SLC9A1: variants seen among roughly 807,000 people sequenced by gnomAD.
SLC9A1 encodes sodium/hydrogen exchanger 1.
In SLC9A1, 22 loss-of-function variants were observed where a neutral mutation model predicts 67.9. That is an observed-to-expected ratio of 0.32 (90% CI 0.23 to 0.46). The LOEUF is 0.46. Ranked by LOEUF, SLC9A1 falls within the 20% of genes least tolerant of loss-of-function variation. SLC9A1 has a pLI of 1.00. For synonymous variants in SLC9A1, 421 were observed against 471.8 expected, an observed-to-expected ratio of 0.89 and a Z score of 1.40; for missense variants, 686 against 1,094.8, an observed-to-expected ratio of 0.63 and a Z score of 5.27.
chr1:27,120,402 A>C (rs1162091436), intron 1 of SLC9A1, among the ~76,000 whole-genome samples: 2 of 151,824 alleles, frequency 1.3e-5, no homozygotes, highest in African/African-American at 4.8e-5. Context: ...CTGAGATTAC[A>C]GGCGTGAGCC....
chr1:27,103,482 G>C, intron 5 of SLC9A1, 170 bp from the exon 6 acceptor site: 1 of 623,922 alleles, frequency 1.6e-6, no homozygotes, highest in Non-Finnish European at 2.9e-6. Context: ...CTTATCTAAA[G>C]ACAGGTCCTT....
At chr1:27,147,476 G>C (rs2083495860) in intron 1 of SLC9A1, among the ~76,000 whole-genome samples, 1 of 151,000 alleles carries the variant, frequency 6.6e-6, no homozygotes, top group Non-Finnish European at 1.5e-5. Context: ...GGGCGACAGA[G>C]TGAGACTCCA....
intron 1 of SLC9A1, among the ~76,000 whole-genome samples, chr1:27,151,817 T>A (rs2083530571): frequency 6.6e-6 from 1 of 152,150 alleles, no homozygotes; most frequent in African/African-American, 2.4e-5. Flanking sequence ...TTAGACCACC[T>A]TTCTCTCCAC....
At chr1:27,136,590 C>T (rs576756022) in intron 1 of SLC9A1, among the ~76,000 whole-genome samples, 62 of 152,156 alleles carry the variant, frequency 4.1e-4, no homozygotes, top group Non-Finnish European at 8.4e-4. Flanking sequence ...TCTAAATTCC[C>T]AGCCCTGCCC....
intron 1 of SLC9A1, among the ~76,000 whole-genome samples, chr1:27,142,165 T>C (rs1194032221): frequency 6.6e-6 from 1 of 152,150 alleles, no homozygotes; most frequent in African/African-American, 2.4e-5. Context: ...ATGCTACCAA[T>C]ATCCAAGCCA....
chr1:27,112,865 C>T (rs1477657755), intron 2 of SLC9A1, among the ~76,000 whole-genome samples: 4 of 113,720 alleles, frequency 3.5e-5, no homozygotes, highest in Non-Finnish European at 6.6e-5. Flanking sequence ...GTCTGGGAGA[C>T]AGAGCAAGAC....
In SLC9A1 at chr1:27,154,662, T is replaced by G; in HGVS notation, c.-328A>C. On this transcript the variant is annotated 5_prime_UTR_variant, in exon 1 of 12. Transcript: ENST00000263980. Reference sequence around the variant, plus strand: ...GATAGAGGAAGGGGCAGGATAGGGATAGTGCAAAGGAAAGGAAGAAGGAAG... The same window carrying G: ...GATAGAGGAAGGGGCAGGATAGGGAGAGTGCAAAGGAAAGGAAGAAGGAAG... The G allele has an allele frequency of 3.9e-6, 1 of 257,922 alleles. No homozygotes were observed. The highest frequency in any genetic ancestry group is 7.4e-6 in the Non-Finnish European group (1 of 134,548). 16.0% of individuals were successfully genotyped at this position (257,922 alleles called of 1,614,324 possible).
intron 1 of SLC9A1, among the ~76,000 whole-genome samples, chr1:27,127,213 G>A (rs917608262): frequency 6.6e-6 from 1 of 152,142 alleles, no homozygotes; most frequent in African/African-American, 2.4e-5. Context: ...TGTTGCCCAG[G>A]CTGGTCTCAA....
intron 1 of SLC9A1, among the ~76,000 whole-genome samples, chr1:27,148,058 A>C (rs1194928302): frequency 1.3e-5 from 2 of 152,014 alleles, no homozygotes; most frequent in African/African-American, 4.8e-5. Context: ...AAAGTCACAC[A>C]GCTGGGCAAC....
intron 1 of SLC9A1, among the ~76,000 whole-genome samples, chr1:27,129,534 C>T (rs1445935153): frequency 6.6e-6 from 1 of 152,162 alleles, no homozygotes; most frequent in African/African-American, 2.4e-5. Context: ...AATGGGAGGT[C>T]AGCTCTCTCC....
intron 1 of SLC9A1, among the ~76,000 whole-genome samples, chr1:27,151,995 C>T (rs1217839654): frequency 1.3e-5 from 2 of 152,154 alleles, no homozygotes; most frequent in Non-Finnish European, 2.9e-5. Flanking sequence ...AGTGGAATGA[C>T]AGAAATATCA....
chr1:27,139,326 T>G (rs892018558), intron 1 of SLC9A1, among the ~76,000 whole-genome samples: 1 of 152,140 alleles, frequency 6.6e-6, no homozygotes, highest in Non-Finnish European at 1.5e-5. Flanking sequence ...TTTCTCCCCT[T>G]CCTAAAGGTC....
Position 27,103,276 on chromosome 1 carries a change from C to G in SLC9A1, c.1522G>C (p.Val508Leu). 6.2e-7 allele frequency: 1 copy of G among 1,614,020 alleles called. No individual in the cohort carries two copies. The stretch of plus-strand genomic sequence containing the variant: ...CGCTTCGTCTCTTGCTTTTTCTTCA[C>G]AGCCAACAGGTCTACCAGGGGCCGA... ...TIRPLVDLLA[V>L]KKKQETKRSI... is the part of the protein sequence containing the mutation. Residue 508 changes from valine to leucine, a missense_variant, in exon 6 of 12, where the codon GTG (valine) becomes CTG (leucine). This residue lies in a region of SLC9A1 where 168 missense variants were observed against 375.4 expected (regional missense o/e 0.45). Coordinates refer to ENST00000263980, the MANE Select transcript of SLC9A1 (RefSeq NM_003047.5).
chr1:27,104,640 C>T (rs193064927), intron 5 of SLC9A1, among the ~76,000 whole-genome samples: 6 of 152,306 alleles, frequency 3.9e-5, no homozygotes, highest in Non-Finnish European at 5.9e-5. Context: ...CCTCCTGCCT[C>T]GGCCTCCCAA....
chr1:27,131,947 A>AAAAAATATAT, intron 1 of SLC9A1, among the ~76,000 whole-genome samples: 74 of 52,094 alleles, frequency 1.4e-3, no homozygotes, highest in East Asian at 3.4e-3. Context: ...AGAAAAAAAA[A>AAAAAATATAT]ATATATATAT....
chr1:27,128,642 G>A (rs1459122200), intron 1 of SLC9A1, among the ~76,000 whole-genome samples: 1 of 148,418 alleles, frequency 6.7e-6, no homozygotes. Context: ...GGGCAACAGG[G>A]TGAGACCCTG....
chr1:27,129,079 C>G (rs924767162), intron 1 of SLC9A1, among the ~76,000 whole-genome samples: 11 of 152,224 alleles, frequency 7.2e-5, no homozygotes, highest in Admixed American at 2.6e-4. Context: ...GCTGGCAGCA[C>G]TAGGGAGGCA....
Position 27,100,949 on chromosome 1 carries a change from G to A in SLC9A1, c.2110+254C>T, listed in dbSNP as rs554798640. ...GTTCCCCACACGTGTTGGGGGTCTC[G>A]ATGGGGCAGATACCCTGCCTTCCTG... On this transcript the variant is annotated intron_variant, in intron 11 of 11. Transcript: ENST00000263980. The surrounding 1 kb of genome is among the most constrained non-coding windows in gnomAD (Gnocchi z 5.6). Among the ~76,000 whole-genome samples the A allele has an allele frequency of 5.9e-5, 9 of 152,330 alleles. No homozygotes were observed. The highest frequency in any genetic ancestry group is 9.6e-5 in the African/African-American group (4 of 41,582).
intron 6 of SLC9A1, among the ~76,000 whole-genome samples, chr1:27,102,952 T>C (rs1033320842): frequency 1.3e-5 from 2 of 152,172 alleles, no homozygotes; most frequent in African/African-American, 4.8e-5. Context: ...TGTGTCCGGC[T>C]GAGCCCCCTT....
Sources: gnomAD v4.1 joint callset for allele counts (sites outside exome capture counted in the v4.1 genomes callset) on GRCh38, gnomAD v4.1.1 for gene constraint, gnomAD v4.1.1 regional missense constraint, Gnocchi (gnomAD v3.1) non-coding constraint, MANE v1.5 for transcripts, NCBI Gene and HGNC (gene_info 2026-07-23, HGNC 2026-07-21) for gene names.